The following SBNO1 variants were observed in gnomAD, a reference collection of about 807,000 sequenced individuals.
SBNO1 encodes the protein protein strawberry notch homolog 1.
A neutral mutation model predicts 173.6 loss-of-function variants in SBNO1; 23 were observed. The ratio of observed to expected loss-of-function variants is 0.13; its 90% CI spans 0.10 to 0.19. The LOEUF is 0.19. Among genes scored for constraint, SBNO1 ranks in the 10% least tolerant of loss-of-function variants. SBNO1 has a pLI of 1.00. For missense variants in SBNO1, 1,238 were observed against 1,671.2 expected, an observed-to-expected ratio of 0.74 and a Z score of 4.52; for synonymous variants, 632 against 571.5, an observed-to-expected ratio of 1.11 and a Z score of -1.51.
chr12:123,336,801 G>C (rs1012383511), intron 5 of SBNO1, among the ~76,000 whole-genome samples: 4 of 152,298 alleles, frequency 2.6e-5, no homozygotes, highest in African/African-American at 7.2e-5. Flanking sequence ...TTGATGCCCA[G>C]AACTCTCTCT....
intron 4 of SBNO1, among the ~76,000 whole-genome samples, chr12:123,341,577 G>A (rs1268828091): frequency 6.6e-6 from 1 of 152,028 alleles, no homozygotes. Context: ...GATGGAGTGC[G>A]TTGGCGCAAT....
chr12:123,351,244 T>G (rs938097636), intron 1 of SBNO1, among the ~76,000 whole-genome samples: 2 of 152,202 alleles, frequency 1.3e-5, no homozygotes, highest in African/African-American at 4.8e-5. Context: ...CCTACAGCCC[T>G]GTACACCATG....
In SBNO1 at chr12:123,313,610, T is replaced by C; in HGVS notation, c.3220+10A>G. The stretch of plus-strand genomic sequence containing the variant: ...TCATTGTCATTGTTATGAATATTTG[T>C]AGAAGTTACCTTTAAAAAATTCTCC... On this transcript the variant is annotated intron_variant, in intron 24 of 31. Transcript: ENST00000602398. 1 of 1,358,180 alleles carries C rather than the reference T, an allele frequency of 7.4e-7. No individual in the cohort carries two copies. The highest frequency in any genetic ancestry group is 2.3e-5 in the East Asian group (1 of 43,604). 84.1% of individuals were successfully genotyped at this position (1,358,180 alleles called of 1,614,324 possible).
Position 123,338,327 on chromosome 12 carries a change from C to A in SBNO1, c.652-1836G>T, listed in dbSNP as rs182881221. ...CAGCACTTGGGCAAGCAGGGGTGGG[C>A]GGATCACCTGAGGTCAGGAGTTCAA... On this transcript the variant is annotated intron_variant, in intron 5 of 31. Coordinates refer to ENST00000602398, the MANE Select transcript of SBNO1 (RefSeq NM_001167856.3). 7.9e-4 allele frequency among the ~76,000 whole-genome samples: 119 copies of A among 150,978 alleles called. 2 individuals carry two copies. The East Asian group carries it at 0.022, about 28-fold the overall frequency.
At chr12:123,314,815 T>C (rs1204432247) in intron 23 of SBNO1, among the ~76,000 whole-genome samples, 1 of 152,136 alleles carries the variant, frequency 6.6e-6, no homozygotes, top group Admixed American at 6.5e-5. Flanking sequence ...CAGGCTGGTC[T>C]CGAATTCCTG....
intron 1 of SBNO1, chr12:123,363,840 G>C (rs1875708941): frequency 1.0e-6 from 1 of 983,878 alleles, no homozygotes; most frequent in Non-Finnish European, 1.2e-6. Flanking sequence ...AAGCAGGGGT[G>C]GGAAGGGGAG....
intron 15 of SBNO1, among the ~76,000 whole-genome samples, chr12:123,324,264 T>C (rs1354776784): frequency 1.3e-5 from 2 of 151,964 alleles, no homozygotes; most frequent in East Asian, 1.9e-4. Flanking sequence ...CTGGACACGG[T>C]AGTTCTAGGC....
chr12:123,328,830 A>G lies in SBNO1; in HGVS notation c.1200T>C (p.Thr400=). Residue 400 remains threonine, a synonymous_variant, in exon 10 of 32, where the codon ACT becomes ACC. Transcript: ENST00000602398. The part of the protein sequence containing the change: ...GSVKKGVIFA[T]YSSLIGESQS... ...GGCTTTCACCAATAAGTGAAGAGTA[A>G]GTAGCAAAAATAACACCCTTTTTCA... 1 of 1,609,048 alleles carries G rather than the reference A, an allele frequency of 6.2e-7. No homozygotes were observed. The highest frequency in any genetic ancestry group is 8.5e-7 in the Non-Finnish European group (1 of 1,176,570).
chr12:123,299,841 G>GA (rs1252235858), intron 30 of SBNO1, among the ~76,000 whole-genome samples: 3 of 151,858 alleles, frequency 2.0e-5, no homozygotes, highest in African/African-American at 7.3e-5. Context: ...GTTTAAAAAA[G>GA]AAAAAAGATC....
chr12:123,333,124 A>G (rs1593379524), intron 7 of SBNO1, among the ~76,000 whole-genome samples: 1 of 588 alleles, frequency 1.7e-3, no homozygotes, highest in Admixed American at 0.02. Flanking sequence ...ACTCCATCTC[A>G]AAAAAAAAAA....
intron 29 of SBNO1, 135 bp from the exon 30 acceptor site, chr12:123,303,035 GAATCTGA>G (rs1410163974): frequency 2.3e-5 from 15 of 642,436 alleles, no homozygotes; most frequent in Non-Finnish European, 3.3e-5. Context: ...GCTATTAACT[GAATCTGA>G]ACGCCATTTG....
At chr12:123,299,533 T>C (rs151239259) in intron 30 of SBNO1, among the ~76,000 whole-genome samples, 2,321 of 149,836 alleles carry the variant, frequency 0.015, 64 homozygotes, top group African/African-American at 0.054. Flanking sequence ...TACAAAAAAT[T>C]TGCAGGGTGT....
intron 2 of SBNO1, 67 bp from the exon 3 acceptor site, chr12:123,348,200 T>A: frequency 1.3e-6 from 1 of 767,646 alleles, no homozygotes; most frequent in South Asian, 1.6e-5. Flanking sequence ...AAGGACAAGG[T>A]TTGCATTTAT....
In SBNO1 at chr12:123,304,594, C is replaced by A. The variant is rs1380738196; in HGVS notation, c.3756G>T (p.Lys1252Asn). 1 of 1,552,636 alleles carries A rather than the reference C, an allele frequency of 6.4e-7. No individual in the cohort carries two copies. Among genetic ancestry groups the A allele is most frequent in the Non-Finnish European group, 8.9e-7 (1 of 1,126,192 alleles). Residue 1252 changes from lysine to asparagine, a missense_variant, in exon 29 of 32, where the codon AAG (lysine) becomes AAT (asparagine). Around this residue, in one of 14 missense-constraint regions of SBNO1, gnomAD observed 351 missense variants for 420.3 expected, o/e 0.84. Transcript: ENST00000602398. ...LKLEIYADLK[K>N]KYKKVVSDDA... ...AATGAAAAAATACCTTCTTATATTT[C>A]TTTTTTAGATCAGCATAAATTTCTA...
Position 123,295,912 on chromosome 12 carries a change from G to A in SBNO1, c.4178C>T (p.Ala1393Val), listed in dbSNP as rs1346596604. ...HPQSITNLSN[A>V] ...ATGTTGAAACCTGTCTGTTCTTCAT[G>A]CGTTGCTCAAGTTGGTGATGCTCTG... Residue 1393 changes from alanine (A) to valine (V), a missense_variant, in exon 32 of 32, where the codon GCA (alanine) becomes GTA (valine). By Grantham distance (64) the Ala-to-Val change is moderately conservative. This residue lies in a region of SBNO1 where 351 missense variants were observed against 420.3 expected (regional missense o/e 0.84). Transcript: ENST00000602398. The A allele has an allele frequency of 2.1e-5, 34 of 1,613,302 alleles. No individual in the cohort carries two copies. The highest frequency in any genetic ancestry group is 2.8e-5 in the Non-Finnish European group (33 of 1,179,446).
chr12:123,328,225 G>T (rs1461354289), intron 10 of SBNO1, among the ~76,000 whole-genome samples, 198 bp from the exon 11 acceptor site: 1 of 152,178 alleles, frequency 6.6e-6, no homozygotes, highest in Non-Finnish European at 1.5e-5. Flanking sequence ...ACTGAATTTG[G>T]AATTTAAACC....
At chr12:123,297,231 G>A (rs925998490) in intron 31 of SBNO1, among the ~76,000 whole-genome samples, 2 of 146,438 alleles carry the variant, frequency 1.4e-5, no homozygotes, top group African/African-American at 5.0e-5. Context: ...GTGTGGTGGT[G>A]CATGCCTGTA....
intron 5 of SBNO1, among the ~76,000 whole-genome samples, chr12:123,338,909 C>T (rs1872196002): frequency 2.5e-4 from 1 of 3,966 alleles, no homozygotes; most frequent in Non-Finnish European, 6.1e-4. Flanking sequence ...CACACACACA[C>T]ACGCCCCCCC....
At chr12:123,346,897 G>C (rs1873221083) in intron 3 of SBNO1, among the ~76,000 whole-genome samples, 1 of 151,608 alleles carries the variant, frequency 6.6e-6, no homozygotes, top group African/African-American at 2.4e-5. Context: ...GGCCAACATG[G>C]TAAAACCCTG....
Sources: gnomAD v4.1 joint callset for allele counts (sites outside exome capture counted in the v4.1 genomes callset) on GRCh38, gnomAD v4.1.1 for gene constraint, gnomAD v4.1.1 regional missense constraint, MANE v1.5 for transcripts, NCBI Gene and HGNC (gene_info 2026-07-23, HGNC 2026-07-21) for gene names.